Variants in KDM5C observed in about 807,000 individuals in gnomAD.
KDM5C encodes lysine demethylase 5C, also known as lysine-specific demethylase 5C.
In KDM5C, 16 loss-of-function variants were observed where a neutral mutation model predicts 110.6. That is an observed-to-expected ratio of 0.14 (90% CI 0.10 to 0.22). KDM5C has a LOEUF of 0.22. Among genes scored for constraint, KDM5C ranks in the 10% least tolerant of loss-of-function variants. The pLI, the probability that KDM5C is intolerant of heterozygous loss-of-function variation, is 1.00. For missense variants in KDM5C, 681 were observed against 1,300.9 expected (o/e 0.52, Z 7.33); for synonymous variants, 511 against 520.4 (o/e 0.98, Z 0.24).
rs782215440 is a variant in KDM5C at position 53,222,651 on chromosome X, C to T, written c.151-1735G>A. 4.5e-5 allele frequency among the ~76,000 whole-genome samples: 5 copies of T among 111,851 alleles called. No homozygotes were observed. The South Asian group carries it at 1.9e-3, about 42-fold the overall frequency. On this transcript the variant is annotated intron_variant, in intron 1 of 25. Coordinates refer to ENST00000375401, the MANE Select transcript of KDM5C (RefSeq NM_004187.5). The stretch of plus-strand genomic sequence containing the variant: ...GGCCCTGCAAACCGCCTGCCTTCAT[C>T]TCCAGACTACTGTATGCCAAATGTA...
intron 12 of KDM5C, among the ~76,000 whole-genome samples, chrX:53,208,805 CTTTTT>C (rs782216325): frequency 4.5e-5 from 1 of 22,163 alleles, no homozygotes; most frequent in Non-Finnish European, 7.0e-5. Context: ...ACACCCGGCT[CTTTTT>C]TTTTTTTTTT....
chrX:53,214,286 A>C lies in KDM5C; in HGVS notation c.1122+403T>G, dbSNP rs782224727. The C allele has an allele frequency of 7.3e-4, 100 of 136,226 alleles. 1 individual carries two copies. The highest frequency in any genetic ancestry group is 2.4e-3 in the African/African-American group (76 of 31,143). 11.2% of individuals were successfully genotyped at this position (136,226 alleles called of 1,213,427 possible). On this transcript the variant is annotated intron_variant, in intron 8 of 25. Transcript: ENST00000375401. ...AACTTTCTAAAAAAGAAAAAAAAAA[A>C]CAAAACAAAAACTCAGAAATTGAAA...
intron 2 of KDM5C, chrX:53,218,841 T>C: frequency 3.9e-6 from 1 of 256,605 alleles, no homozygotes; most frequent in Non-Finnish European, 7.4e-6. Context: ...CCCAAAGAGC[T>C]GGGATCACAG....
chrX:53,204,286 C>G (rs1388521881), intron 12 of KDM5C, among the ~76,000 whole-genome samples: 4 of 98,776 alleles, frequency 4.0e-5, no homozygotes, highest in Non-Finnish European at 8.0e-5. Context: ...AAAGGCCTGG[C>G]AGCCAGTGTT....
intron 14 of KDM5C, among the ~76,000 whole-genome samples, chrX:53,199,452 G>A (rs1261221864): frequency 3.6e-5 from 4 of 111,683 alleles, no homozygotes; most frequent in Non-Finnish European, 7.5e-5. Flanking sequence ...GAGAAGTGAG[G>A]AAAGTGGTGG....
intron 2 of KDM5C, among the ~76,000 whole-genome samples, chrX:53,218,899 C>T (rs2073824493): frequency 8.9e-6 from 1 of 112,187 alleles, no homozygotes; most frequent in Non-Finnish European, 1.9e-5. Flanking sequence ...TCTCATTTGT[C>T]ACCTTCCAGT....
chrX:53,214,275 GA>G (rs1171033059), intron 8 of KDM5C: 152 of 110,934 alleles, frequency 1.4e-3, no homozygotes, highest in Middle Eastern at 3.8e-3. Context: ...TTCTAAAAAA[GA>G]AAAAAAAAAA....
At chrX:53,213,178 A>G (rs1360700274) in intron 8 of KDM5C, among the ~76,000 whole-genome samples, 4 of 111,523 alleles carry the variant, frequency 3.6e-5, no homozygotes. Flanking sequence ...AATCAGACAC[A>G]CACCATGCTT....
downstream of KDM5C, among the ~76,000 whole-genome samples, chrX:53,188,317 G>A (rs993640204): frequency 2.7e-5 from 3 of 109,250 alleles, no homozygotes; most frequent in Non-Finnish European, 5.7e-5. Flanking sequence ...CCCGCCTCCT[G>A]GTATTCACAC....
At chrX:53,182,902 G>GAGACTGT (rs1367973754) in intron 25 of KDM5C, among the ~76,000 whole-genome samples, 1 of 111,800 alleles carries the variant, frequency 8.9e-6, no homozygotes, top group Non-Finnish European at 1.9e-5. Flanking sequence ...TGTCACACCT[G>GAGACTGT]AGACTGTTGC....
At chrX:53,179,620 G>A (rs1379421694) in intron 25 of KDM5C, among the ~76,000 whole-genome samples, 1 of 111,116 alleles carries the variant, frequency 9.0e-6, no homozygotes, top group African/African-American at 3.3e-5. Flanking sequence ...AAGAAAAAGG[G>A]AAAAGACCTG....
rs59891116 is a variant in KDM5C at position 53,224,242 on chromosome X, G to C, written c.150+498C>G. On this transcript the variant is annotated intron_variant, in intron 1 of 25. Transcript: ENST00000375401. Reference sequence around the variant, plus strand: ...TTCTGGGATCCATTTCACGGGCTCAGAGAGATTACTTCTACTTTCCCAAGG... The same window carrying C: ...TTCTGGGATCCATTTCACGGGCTCACAGAGATTACTTCTACTTTCCCAAGG... Among the ~76,000 whole-genome samples, 467 of 112,016 alleles carry C rather than the reference G, an allele frequency of 4.2e-3. 2 individuals carry two copies. The highest frequency in any genetic ancestry group is 0.014 in the African/African-American group (441 of 30,768).
chrX:53,181,615 T>TTAGC (rs1372674059), intron 25 of KDM5C, among the ~76,000 whole-genome samples: 2 of 97,771 alleles, frequency 2.0e-5, no homozygotes, highest in African/African-American at 7.7e-5. Flanking sequence ...ATGATAAGAT[T>TTAGC]TAGCTAATTT....
In KDM5C at chrX:53,215,869, C is replaced by G. The variant is rs1556851537; in HGVS notation, c.889G>C (p.Glu297Gln). 9.9e-6 allele frequency: 12 copies of G among 1,211,635 alleles called. No homozygotes were observed. The highest frequency in any genetic ancestry group is 1.1e-5 in the Non-Finnish European group (10 of 895,319). Residue 297 changes from glutamate (E) to glutamine (Q), a missense_variant, in exon 7 of 26, where the codon GAG (glutamate) becomes CAG (glutamine). This residue lies in a region of KDM5C where 71 missense variants were observed against 115.0 expected (regional missense o/e 0.62). Coordinates refer to ENST00000375401, the MANE Select transcript of KDM5C (RefSeq NM_004187.5). ...SPKTFLESKE[E>Q]LSHSPEPCTK... ...CAGGGTTCTGGGCTGTGACTCAGCT[C>G]CTCCTTGCTCTCCAGGAAGGTCTTA...
At chrX:53,176,919 A>G (rs1253548418) in intron 25 of KDM5C, among the ~76,000 whole-genome samples, 1 of 112,196 alleles carries the variant, frequency 8.9e-6, no homozygotes, top group African/African-American at 3.2e-5. Context: ...ATAAAAGTCA[A>G]TGTTTGGATC....
chrX:53,222,455 C>T (rs186476871), intron 1 of KDM5C, among the ~76,000 whole-genome samples: 29 of 110,223 alleles, frequency 2.6e-4, no homozygotes, highest in African/African-American at 7.9e-4. Context: ...TAGGGCACTC[C>T]CCTCAGCACA....
intron 25 of KDM5C, among the ~76,000 whole-genome samples, chrX:53,179,040 G>T (rs1433433523): frequency 1.8e-5 from 2 of 112,461 alleles, no homozygotes; most frequent in Non-Finnish European, 3.8e-5. Flanking sequence ...TTCAAGGCCA[G>T]CCTGGCCAAC....
At chrX:53,196,649 G>C in intron 19 of KDM5C, 37 bp downstream of exon 19, 1 of 1,140,779 alleles carries the variant, frequency 8.8e-7, no homozygotes, top group African/African-American at 1.8e-5. Context: ...TTGATGTTTG[G>C]AATAGGGCAG....
Position 53,196,748 on chromosome X carries a change from C to T in KDM5C, c.2919G>A (p.Leu973=), listed in dbSNP as rs1934884363. Residue 973 remains leucine (L), a synonymous_variant, in exon 19 of 26, where the codon CTG becomes CTA. Coordinates refer to ENST00000375401, the MANE Select transcript of KDM5C (RefSeq NM_004187.5). ...SPAVDKAQAE[L]QELLTIAERW... ...GTTCAGCAATGGTCAGCAGTTCCTG[C>T]AGCTCGGCCTGGGCTTTATCCACAG... is the stretch of plus-strand genomic sequence containing the variant. 7 of 1,212,373 alleles carry T rather than the reference C, an allele frequency of 5.8e-6. No homozygotes were observed. The highest frequency in any genetic ancestry group is 7.8e-6 in the Non-Finnish European group (7 of 895,586).
Sources: allele counts gnomAD v4.1 joint callset (sites outside exome capture counted in the v4.1 genomes callset), GRCh38; gene constraint gnomAD v4.1.1; regional missense constraint gnomAD v4.1.1; transcripts MANE v1.5; gene names NCBI Gene and HGNC (gene_info 2026-07-23, HGNC 2026-07-21).